Variants in ABCB4 observed in about 807,000 individuals in gnomAD.
ABCB4 encodes ATP binding cassette subfamily B member 4, also known as phosphatidylcholine translocator ABCB4.
In ABCB4, 76 loss-of-function variants were observed where a neutral mutation model predicts 145.7. The observed-to-expected ratio is 0.52, with a 90% CI of 0.43 to 0.63. The LOEUF is 0.63. Among genes scored for constraint, ABCB4 ranks in the 30% least tolerant of loss-of-function variants. The probability of loss-of-function intolerance (pLI) is 0.00; values close to 1 mark genes in which losing one functional copy is unlikely to be tolerated. For synonymous variants in ABCB4, 517 were observed against 566.8 expected, an observed-to-expected ratio of 0.91 and a Z score of 1.25; for missense variants, 1,234 against 1,553.1, an observed-to-expected ratio of 0.79 and a Z score of 3.45.
In ABCB4 at chr7:87,439,827, G is replaced by C. The variant is rs961491395; in HGVS notation, c.1571C>G (p.Thr524Ser). The change falls in exon 14 of 28, where the codon ACC becomes AGC. Residue 524 changes from threonine (T) to serine (S), a missense_variant. Physicochemically the swap from Thr to Ser is moderately conservative, Grantham distance 58. Transcript: ENST00000649586. ...FIMKLPQKFD[T>S]LVGERGAQLS... ...CTGGGCCCCTCTCTCTCCAACCAGG[G>C]TGTCAAATTTCTAACACAGAAAACA... The C allele has an allele frequency of 5.6e-6, 9 of 1,614,098 alleles. No homozygotes were observed. The highest frequency in any genetic ancestry group is 6.8e-6 in the Non-Finnish European group (8 of 1,180,016).
the ABCB4 span, among the ~76,000 whole-genome samples, chr7:87,388,203 A>G: frequency 3.3e-5 from 5 of 152,120 alleles, no homozygotes; most frequent in Non-Finnish European, 1.5e-5. Context: ...AGTTGCCCCA[A>G]GTAATTTATA....
At chr7:87,445,083 A>C in intron 9 of ABCB4, 108 bp from the exon 10 acceptor site, 1 of 786,140 alleles carries the variant, frequency 1.3e-6, no homozygotes, top group Non-Finnish European at 2.1e-6. Context: ...GTTTAGGTTT[A>C]TCCTTTCCTT....
downstream of ABCB4, among the ~76,000 whole-genome samples, chr7:87,400,132 G>T (rs1372952183): frequency 6.6e-6 from 1 of 152,122 alleles, no homozygotes; most frequent in Non-Finnish European, 1.5e-5. Flanking sequence ...GTCCCTTGAG[G>T]CCTAGGCCCT....
rs757878946 is a variant in ABCB4, at chr7:87,426,747, T to C, written c.2064+3A>G. The C allele has an allele frequency of 8.1e-6, 13 of 1,613,568 alleles. No individual in the cohort carries two copies. The highest frequency in any genetic ancestry group is 9.3e-6 in the Non-Finnish European group (11 of 1,179,570). On this transcript the variant is annotated splice_donor_region_variant and intron_variant, in intron 16 of 27. Transcript: ENST00000649586. ...GACTTAATTTAAGTGAAAAACAACTTACAAGTCCATCGGTTTCCACATCAA... is the reference window on the plus strand; with the variant it reads ...GACTTAATTTAAGTGAAAAACAACTCACAAGTCCATCGGTTTCCACATCAA...
chr7:87,467,687 C>A (rs1167941031), intron 3 of ABCB4, among the ~76,000 whole-genome samples: 1 of 152,210 alleles, frequency 6.6e-6, no homozygotes. Flanking sequence ...GAAATTATAA[C>A]AAACTGTGTC....
chr7:87,444,115 A>T (rs544586540), intron 10 of ABCB4, among the ~76,000 whole-genome samples: 19 of 152,200 alleles, frequency 1.2e-4, no homozygotes, highest in Admixed American at 2.6e-4. Context: ...TAATTGATAT[A>T]TATTATAGCC....
intron 12 of ABCB4, 132 bp downstream of exon 12, chr7:87,443,186 CA>C (rs1211306403): frequency 9.0e-7 from 1 of 1,112,936 alleles, no homozygotes; most frequent in Admixed American, 1.7e-5. Flanking sequence ...AGGCATTATC[CA>C]TCGGCATTGC....
At chr7:87,464,130 C>G (rs544724821) in intron 3 of ABCB4, among the ~76,000 whole-genome samples, 8 of 152,144 alleles carry the variant, frequency 5.3e-5, no homozygotes, top group Admixed American at 1.3e-4. Context: ...AGGCTTGGCA[C>G]AGTGGAGCCT....
chr7:87,401,411 T>C (rs182321376), downstream of ABCB4, among the ~76,000 whole-genome samples: 19 of 152,334 alleles, frequency 1.2e-4, no homozygotes, highest in African/African-American at 4.3e-4. Context: ...GTAGTCTATT[T>C]ATAAAAGAGA....
the ABCB4 span, among the ~76,000 whole-genome samples, chr7:87,370,865 T>C: frequency 9.2e-5 from 14 of 152,194 alleles, no homozygotes; most frequent in Non-Finnish European, 2.1e-4. Flanking sequence ...TGCTGAGTCA[T>C]AGGATATGTG....
At chr7:87,403,032 G>A in intron 27 of ABCB4, 103 bp downstream of exon 27, 1 of 1,254,994 alleles carries the variant, frequency 8.0e-7, no homozygotes, top group Non-Finnish European at 1.2e-6. Flanking sequence ...CTAACGTTCT[G>A]TGTTTTTCCC....
At chr7:87,387,330 C>T in the ABCB4 span, among the ~76,000 whole-genome samples, 1 of 152,120 alleles carries the variant, frequency 6.6e-6, no homozygotes, top group African/African-American at 2.4e-5. Flanking sequence ...GTATAATTAT[C>T]AGTAAATTTG....
chr7:87,384,253 C>CTCA, the ABCB4 span, among the ~76,000 whole-genome samples: 1 of 152,128 alleles, frequency 6.6e-6, no homozygotes, highest in Non-Finnish European at 1.5e-5. Flanking sequence ...TCATTTGTCA[C>CTCA]TGGGCGCATG....
At chr7:87,471,376 TA>T (rs1813386345) in intron 3 of ABCB4, among the ~76,000 whole-genome samples, 1 of 151,650 alleles carries the variant, frequency 6.6e-6, no homozygotes, top group African/African-American at 2.4e-5. Context: ...TAAACAAATT[TA>T]AAAAAATAAA....
At chr7:87,443,596 TTTA>T (rs1245607581) in intron 11 of ABCB4, 64 bp downstream of exon 11, 51 of 1,539,750 alleles carry the variant, frequency 3.3e-5, no homozygotes, top group Non-Finnish European at 4.5e-5. Flanking sequence ...TAATAGAGAC[TTTA>T]TTCTTTAAAA....
chr7:87,402,001 A>G lies in ABCB4; in HGVS notation c.*95T>C. The stretch of plus-strand genomic sequence containing the variant: ...GATCTAGAATGAGACAGACATACCT[A>G]TGTTTTATGATGACAAACCAGAAAC... On this transcript the variant is annotated 3_prime_UTR_variant, in exon 28 of 28. Coordinates refer to ENST00000649586, the MANE Select transcript of ABCB4 (RefSeq NM_000443.4). 6.7e-7 allele frequency: 1 copy of G among 1,493,800 alleles called. No individual in the cohort carries two copies. The highest frequency in any genetic ancestry group is 9.2e-7 in the Non-Finnish European group (1 of 1,089,552). 92.5% of individuals were successfully genotyped at this position (1,493,800 alleles called of 1,614,324 possible).
rs56747933 is a variant in ABCB4 at position 87,463,246 on chromosome 7, AACACACAC to A, written c.136-346_136-339del. ...CGGCTAGGGAAAGACATTAAGTTTAAACACACACACACACACACACACACACACACCAC... is the reference window on the plus strand; with the variant it reads ...CGGCTAGGGAAAGACATTAAGTTTAAACACACACACACACACACACACCAC... On this transcript the variant is annotated intron_variant, in intron 3 of 27. Coordinates refer to ENST00000649586, the MANE Select transcript of ABCB4 (RefSeq NM_000443.4). Among the ~76,000 whole-genome samples the A allele has an allele frequency of 8.1e-5, 12 of 148,152 alleles. 1 individual carries two copies. The highest frequency in any genetic ancestry group is 2.1e-4 in the South Asian group (1 of 4,662).
the ABCB4 span, among the ~76,000 whole-genome samples, chr7:87,395,257 C>T: frequency 1.3e-5 from 1 of 77,204 alleles, no homozygotes; most frequent in South Asian, 4.5e-4. Flanking sequence ...CTAAGCCAGT[C>T]TAGTCTTTTC....
chr7:87,408,374 A>G, intron 24 of ABCB4, 140 bp from the exon 25 acceptor site: 1 of 886,088 alleles, frequency 1.1e-6, no homozygotes, highest in Non-Finnish European at 1.8e-6. Flanking sequence ...GTGCCAGTTA[A>G]TATTGATAGC....
Sources: allele counts gnomAD v4.1 joint callset (sites outside exome capture counted in the v4.1 genomes callset), GRCh38; gene constraint gnomAD v4.1.1; transcripts MANE v1.5; gene names NCBI Gene and HGNC (gene_info 2026-07-23, HGNC 2026-07-21).